The following PANK3 variants were observed in gnomAD, a reference collection of about 807,000 sequenced individuals.
PANK3 encodes hPanK3.
PANK3 carries 20 observed loss-of-function variants against 39.4 expected under a neutral mutation model. The ratio of observed to expected loss-of-function variants is 0.51; its 90% CI spans 0.36 to 0.74. PANK3 has a LOEUF of 0.74. Ranked by LOEUF, PANK3 falls within the 30% of genes least tolerant of loss-of-function variation. PANK3 has a pLI of 0.00. For synonymous variants in PANK3, 140 were observed against 157.3 expected, an observed-to-expected ratio of 0.89 and a Z score of 0.82; for missense variants, 265 against 437.0, an observed-to-expected ratio of 0.61 and a Z score of 3.51.
chr5:168,552,909 C>A lies in PANK3; in HGVS notation c.*4662G>T. 4.8e-6 allele frequency: 1 copy of A among 208,652 alleles called. No homozygotes were observed. Among genetic ancestry groups the A allele is most frequent in the South Asian group, 9.0e-5 (1 of 11,052 alleles). 12.9% of individuals were successfully genotyped at this position (208,652 alleles called of 1,614,324 possible). A position where few individuals can be genotyped will look rare whatever the true frequency, so the allele number is the denominator to read the frequency against. ...CAGAGAGCTACTGAGAGAGCTGGAG[C>A]ATGATGGAAATGACAGTGGGTTGTT... On this transcript the variant is annotated 3_prime_UTR_variant, in exon 7 of 7. Transcript: ENST00000239231.
At chr5:168,558,249 C>T (rs1176586040) in intron 6 of PANK3, among the ~76,000 whole-genome samples, 1 of 151,744 alleles carries the variant, frequency 6.6e-6, no homozygotes, top group Non-Finnish European at 1.5e-5. Context: ...AGGCTCCGCC[C>T]CCTGGGGTTC....
chr5:168,550,172 A>G lies in PANK3; in HGVS notation c.*7399T>C, dbSNP rs1759254843. 1 of 152,220 alleles carries G rather than the reference A, an allele frequency of 6.6e-6. No homozygotes were observed. The highest frequency in any genetic ancestry group is 1.9e-4 in the East Asian group (1 of 5,200). The allele number at this position is 152,220 out of a possible 1,614,324, so 9.4% of individuals were successfully genotyped here. A position where few individuals can be genotyped will look rare whatever the true frequency, so the allele number is the denominator to read the frequency against. On this transcript the variant is annotated 3_prime_UTR_variant, in exon 7 of 7. Transcript: ENST00000239231. ...TCCTGGGATAACGATATGTGGTACA[A>G]TACTCTTATTTGAGATATTAAACAC... is the stretch of plus-strand genomic sequence containing the variant.
At chr5:168,565,857 T>TAAAAA (rs33910263) in intron 3 of PANK3, among the ~76,000 whole-genome samples, 156 bp downstream of exon 3, 75 of 104,262 alleles carry the variant, frequency 7.2e-4, no homozygotes, top group African/African-American at 1.4e-3. Flanking sequence ...CTCTTTCACT[T>TAAAAA]AAAAAAAAAA....
rs1191385385 is a variant in PANK3, at chr5:168,557,403, T to C, written c.*168A>G. 1 of 607,994 alleles carries C rather than the reference T, an allele frequency of 1.6e-6. No individual in the cohort carries two copies. Among genetic ancestry groups the C allele is most frequent in the East Asian group, 2.8e-5 (1 of 35,992 alleles). 37.7% of individuals were successfully genotyped at this position (607,994 alleles called of 1,614,324 possible). A position where few individuals can be genotyped will look rare whatever the true frequency, so the allele number is the denominator to read the frequency against. ...ATATACAAAAGGGAAAGCATTTCAA[T>C]GAGAAATACTTCACGTTACCAAGTT... On this transcript the variant is annotated 3_prime_UTR_variant, in exon 7 of 7. Transcript: ENST00000239231.
At chr5:168,574,600 A>T (rs986494294) in intron 1 of PANK3, among the ~76,000 whole-genome samples, 6 of 152,190 alleles carry the variant, frequency 3.9e-5, no homozygotes, top group Non-Finnish European at 7.3e-5. Context: ...GGTAGCTCAC[A>T]TCTGTAATCC....
At chr5:168,559,522 T>G (rs1473062996) in intron 5 of PANK3, among the ~76,000 whole-genome samples, 2 of 152,146 alleles carry the variant, frequency 1.3e-5, no homozygotes, top group Non-Finnish European at 2.9e-5. Flanking sequence ...GGGAACTCAC[T>G]GAGCTTTCCA....
intron 2 of PANK3, among the ~76,000 whole-genome samples, chr5:168,568,145 A>G (rs1253456951): frequency 6.6e-6 from 1 of 152,172 alleles, no homozygotes; most frequent in African/African-American, 2.4e-5. Context: ...ACACAGGAAC[A>G]TGGCAGGATT....
At position 168,554,489 on chromosome 5, in the gene PANK3, G is replaced by C. The variant is rs1759319531; in HGVS notation, c.*3082C>G. The C allele has an allele frequency of 6.6e-6, 1 of 152,168 alleles. No individual in the cohort carries two copies. Among genetic ancestry groups the C allele is most frequent in the South Asian group, 2.1e-4 (1 of 4,830 alleles). 9.4% of individuals were successfully genotyped at this position (152,168 alleles called of 1,614,324 possible). Reference sequence around the variant, plus strand: ...TTACAGGCATGAGCCACTGCACCCAGCCTCAATTGTTTAAAATTCAGTTTT... The same window carrying C: ...TTACAGGCATGAGCCACTGCACCCACCCTCAATTGTTTAAAATTCAGTTTT... On this transcript the variant is annotated 3_prime_UTR_variant, in exon 7 of 7. Transcript: ENST00000239231.
At chr5:168,567,331 C>T (rs1212905673) in intron 2 of PANK3, among the ~76,000 whole-genome samples, 1 of 152,066 alleles carries the variant, frequency 6.6e-6, no homozygotes, top group Non-Finnish European at 1.5e-5. Context: ...GTTAATCTAC[C>T]CACGGATAGA....
chr5:168,567,693 T>C (rs1759559105), intron 2 of PANK3, among the ~76,000 whole-genome samples: 1 of 152,164 alleles, frequency 6.6e-6, no homozygotes, highest in Non-Finnish European at 1.5e-5. Flanking sequence ...CACAGCTCAC[T>C]GCAGCCTCAA....
At chr5:168,575,314 T>C (rs915225352) in intron 1 of PANK3, among the ~76,000 whole-genome samples, 3 of 152,230 alleles carry the variant, frequency 2.0e-5, no homozygotes, top group African/African-American at 7.2e-5. Flanking sequence ...GCATTATATA[T>C]GCAAAAGGAG....
At chr5:168,578,932 C>T (rs1258715545) in intron 1 of PANK3, among the ~76,000 whole-genome samples, 1 of 152,194 alleles carries the variant, frequency 6.6e-6, no homozygotes, top group East Asian at 1.9e-4. Context: ...CGCCTCTTTT[C>T]AACCTGAATT....
chr5:168,570,665 C>A (rs370654607), intron 1 of PANK3, among the ~76,000 whole-genome samples: 2 of 151,994 alleles, frequency 1.3e-5, no homozygotes, highest in African/African-American at 4.8e-5. Flanking sequence ...TACGTCAGTA[C>A]GGTTAAGGAA....
In PANK3 at chr5:168,557,264, A is replaced by T; in HGVS notation, c.*307T>A. On this transcript the variant is annotated 3_prime_UTR_variant, in exon 7 of 7. Coordinates refer to ENST00000239231, the MANE Select transcript of PANK3 (RefSeq NM_024594.4). ...AGCTAAACAGTTCCGATACTTTAAG[A>T]TTTGTGTTTGAGCATACAGTACTGC... 4.2e-6 allele frequency: 1 copy of T among 236,686 alleles called. No individual in the cohort carries two copies. Among genetic ancestry groups the T allele is most frequent in the Non-Finnish European group, 8.2e-6 (1 of 121,680 alleles). 14.7% of individuals were successfully genotyped at this position (236,686 alleles called of 1,614,324 possible).
At chr5:168,574,572 C>T (rs1031512217) in intron 1 of PANK3, among the ~76,000 whole-genome samples, 9 of 152,086 alleles carry the variant, frequency 5.9e-5, no homozygotes, top group African/African-American at 1.9e-4. Context: ...GAAAAACACC[C>T]GTTTCCTGGC....
chr5:168,579,229 C>T lies in PANK3; in HGVS notation c.28+27G>A. Reference sequence around the variant, plus strand: ...ACGGGGCCCAAGGGTGCCCTCCCAACCTGGCGGGCCCCAGCCCCCGTCTTA... The same window carrying T: ...ACGGGGCCCAAGGGTGCCCTCCCAATCTGGCGGGCCCCAGCCCCCGTCTTA... On this transcript the variant is annotated intron_variant, in intron 1 of 6. Coordinates refer to ENST00000239231, the MANE Select transcript of PANK3 (RefSeq NM_024594.4). The T allele has an allele frequency of 2.7e-6, 4 of 1,485,348 alleles. No homozygotes were observed. The Admixed American group carries it at 7.5e-5, about 28-fold the overall frequency. 92.0% of individuals were successfully genotyped at this position (1,485,348 alleles called of 1,614,324 possible).
Position 168,553,466 on chromosome 5 carries a change from G to C in PANK3, c.*4105C>G. ...TGCACCTGCCAAAGTGGTTGACAAA[G>C]AGTGCAACAGAAAGGAGCCAATCAT... On this transcript the variant is annotated 3_prime_UTR_variant, in exon 7 of 7. Coordinates refer to ENST00000239231, the MANE Select transcript of PANK3 (RefSeq NM_024594.4). 2.6e-6 allele frequency: 1 copy of C among 387,646 alleles called. No individual in the cohort carries two copies. Among genetic ancestry groups the C allele is most frequent in the Non-Finnish European group, 5.2e-6 (1 of 192,220 alleles). 24.0% of individuals were successfully genotyped at this position (387,646 alleles called of 1,614,324 possible).
chr5:168,575,591 G>A (rs953966241), intron 1 of PANK3, among the ~76,000 whole-genome samples: 4 of 152,112 alleles, frequency 2.6e-5, no homozygotes, highest in African/African-American at 7.2e-5. Flanking sequence ...GACCAGCCTG[G>A]CAAGGGCAAC....
chr5:168,573,339 A>G (rs1281210632), intron 1 of PANK3, among the ~76,000 whole-genome samples: 1 of 148,466 alleles, frequency 6.7e-6, no homozygotes, highest in Non-Finnish European at 1.5e-5. Flanking sequence ...TCAATTCAAT[A>G]GACTTCAGAA....
Sources: allele counts gnomAD v4.1 joint callset (sites outside exome capture counted in the v4.1 genomes callset), GRCh38; gene constraint gnomAD v4.1.1; transcripts MANE v1.5; gene names NCBI Gene and HGNC (gene_info 2026-07-23, HGNC 2026-07-21).